Variants in RIMKLA observed in about 807,000 individuals in gnomAD.
The protein encoded by RIMKLA is N-acetylaspartylglutamate synthase A.
In RIMKLA, 14 loss-of-function variants were observed where a neutral mutation model predicts 32.7. The observed-to-expected ratio is 0.43, with a 90% CI of 0.28 to 0.67. The LOEUF is 0.67. RIMKLA is among the 30% of genes least tolerant of loss of function. RIMKLA has a pLI of 0.18. For synonymous variants in RIMKLA, 176 were observed against 204.1 expected (o/e 0.86, Z 1.18); for missense variants, 410 against 519.0 (o/e 0.79, Z 2.04).
Position 42,424,189 on chromosome 1 carries a change from C to T in RIMKLA, c.*9215C>T, listed in dbSNP as rs1457987610. Among the ~76,000 whole-genome samples, 1 of 152,142 alleles carries T rather than the reference C, an allele frequency of 6.6e-6. No homozygotes were observed. The highest frequency in any genetic ancestry group is 2.4e-5 in the African/African-American group (1 of 41,408). ...TAATAAGAATACGTAAGAATGTGTCCTTGTTTTTAGAAAATACACATTAAA... is the reference window on the plus strand; with the variant it reads ...TAATAAGAATACGTAAGAATGTGTCTTTGTTTTTAGAAAATACACATTAAA... On this transcript the variant is annotated 3_prime_UTR_variant, in exon 5 of 5. Coordinates refer to ENST00000431473, the MANE Select transcript of RIMKLA (RefSeq NM_173642.4).
chr1:42,389,986 T>C (rs1642986599), intron 1 of RIMKLA, among the ~76,000 whole-genome samples: 1 of 151,364 alleles, frequency 6.6e-6, no homozygotes, highest in Non-Finnish European at 1.5e-5. Context: ...AACAGGATGA[T>C]AGCCCAAAGG....
At chr1:42,398,481 G>A (rs1643066366) in intron 1 of RIMKLA, among the ~76,000 whole-genome samples, 1 of 151,974 alleles carries the variant, frequency 6.6e-6, no homozygotes, top group African/African-American at 2.4e-5. Context: ...GGAAAATACA[G>A]ACAAGTATAA....
rs1235510838 is a variant in RIMKLA, at chr1:42,385,785, TTG to T, written c.163+4690_163+4691del. Among the ~76,000 whole-genome samples, 45 of 110,266 alleles carry T rather than the reference TTG, an allele frequency of 4.1e-4. 3 individuals carry two copies. The highest frequency in any genetic ancestry group is 1.4e-3 in the African/African-American group (43 of 29,908). The allele number at this position is 110,266 out of a possible 152,430, so 72.3% of individuals were successfully genotyped here. On this transcript the variant is annotated intron_variant, in intron 1 of 4. Transcript: ENST00000431473. ...TTTCTTTCTTTGTTTCTTTGTTTGT[TTG>T]TTTCTTTCTTTCTCTCTCTCTTTCC... is the stretch of plus-strand genomic sequence containing the variant.
At chr1:42,393,686 G>A (rs2148386868) in intron 1 of RIMKLA, among the ~76,000 whole-genome samples, 1 of 152,238 alleles carries the variant, frequency 6.6e-6, no homozygotes, top group East Asian at 1.9e-4. Context: ...TAAGGGGAAA[G>A]GTGGAAACTG....
chr1:42,384,648 AT>A (rs1263881918), intron 1 of RIMKLA, among the ~76,000 whole-genome samples: 17 of 150,768 alleles, frequency 1.1e-4, no homozygotes, highest in African/African-American at 3.9e-4. Context: ...ATATATATAT[AT>A]AGTGTTTATT....
At chr1:42,385,848 T>TTCTTTCTTTCTTTCTTTCTTTC (rs1642938113) in intron 1 of RIMKLA, among the ~76,000 whole-genome samples, 1 of 16,690 alleles carries the variant, frequency 6.0e-5, no homozygotes, top group Non-Finnish European at 1.8e-4. Flanking sequence ...TTCTTTCTCT[T>TTCTTTCTTTCTTTCTTTCTTTC]TCTTTCTTTC....
At chr1:42,410,253 C>G in intron 4 of RIMKLA, 66 bp downstream of exon 4, 1 of 1,349,282 alleles carries the variant, frequency 7.4e-7, no homozygotes, top group Non-Finnish European at 1.1e-6. Context: ...TATATCGATC[C>G]CTACTGTCTT....
At chr1:42,413,182 G>C (rs1643215383) in intron 4 of RIMKLA, among the ~76,000 whole-genome samples, 1 of 151,718 alleles carries the variant, frequency 6.6e-6, no homozygotes, top group Non-Finnish European at 1.5e-5. Flanking sequence ...CTAATCATGA[G>C]AAGAATACAT....
Position 42,381,109 on chromosome 1 carries a change from G to A in RIMKLA, c.163+12G>A, listed in dbSNP as rs533919459. On this transcript the variant is annotated intron_variant, in intron 1 of 4. Transcript: ENST00000431473. ...CGGCGGCCACCTCGGTGAGCGAGGCGGGCCCGGGGAGGGCAGGGAGGCGCG... is the reference window on the plus strand; with the variant it reads ...CGGCGGCCACCTCGGTGAGCGAGGCAGGCCCGGGGAGGGCAGGGAGGCGCG... The A allele has an allele frequency of 5.6e-6, 7 of 1,245,606 alleles. No individual in the cohort carries two copies. Among genetic ancestry groups the A allele is most frequent in the African/African-American group, 1.6e-5 (1 of 64,388 alleles). 77.2% of individuals were successfully genotyped at this position (1,245,606 alleles called of 1,614,324 possible). A position where few individuals can be genotyped will look rare whatever the true frequency, so the allele number is the denominator to read the frequency against.
At chr1:42,386,561 A>G (rs978218624) in intron 1 of RIMKLA, among the ~76,000 whole-genome samples, 4 of 146,988 alleles carry the variant, frequency 2.7e-5, no homozygotes, top group Admixed American at 6.9e-5. Context: ...AAAATTTTTT[A>G]TAGAGACCCT....
intron 1 of RIMKLA, among the ~76,000 whole-genome samples, chr1:42,391,384 A>G (rs774679519): frequency 2.6e-5 from 4 of 152,058 alleles, no homozygotes; most frequent in Non-Finnish European, 5.9e-5. Context: ...CAGGCTGGAT[A>G]TTTTAGGGAG....
At position 42,381,058 on chromosome 1, in the gene RIMKLA, A is replaced by G; in HGVS notation, c.124A>G (p.Met42Val). The change falls in exon 1 of 5, where the codon ATG becomes GTG. Residue 42 changes from methionine (M) to valine (V), a missense_variant. Physicochemically the swap from Met to Val is conservative, Grantham distance 21. Coordinates refer to ENST00000431473, the MANE Select transcript of RIMKLA (RefSeq NM_173642.4). Reference sequence around the variant, plus strand: ...GGACGTGCGCTTCCGGGCGGTGCTTATGGACCAGATCGCCGTCACCATCGT... The same window carrying G: ...GGACGTGCGCTTCCGGGCGGTGCTTGTGGACCAGATCGCCGTCACCATCGT... Reference protein sequence around the residue: ...EQDVRFRAVLMDQIAVTIVGG... With the variant: ...EQDVRFRAVLVDQIAVTIVGG... The G allele has an allele frequency of 7.6e-7, 1 of 1,311,254 alleles. No homozygotes were observed. The highest frequency in any genetic ancestry group is 9.8e-7 in the Non-Finnish European group (1 of 1,025,322). The allele number at this position is 1,311,254 out of a possible 1,614,324, so 81.2% of individuals were successfully genotyped here. A position where few individuals can be genotyped will look rare whatever the true frequency, so the allele number is the denominator to read the frequency against.
At chr1:42,384,268 G>A (rs1016485566) in intron 1 of RIMKLA, among the ~76,000 whole-genome samples, 1 of 152,130 alleles carries the variant, frequency 6.6e-6, no homozygotes. Flanking sequence ...ATCTTTAGGT[G>A]ACTGAAGTAA....
At chr1:42,386,593 T>TG (rs1553175621) in intron 1 of RIMKLA, among the ~76,000 whole-genome samples, 6 of 150,870 alleles carry the variant, frequency 4.0e-5, no homozygotes, top group East Asian at 2.0e-4. Context: ...AATAAAAAAT[T>TG]GGGGGGGTGC....
chr1:42,414,435 C>A, intron 4 of RIMKLA, 49 bp from the exon 5 acceptor site: 2 of 1,588,860 alleles, frequency 1.3e-6, no homozygotes, highest in South Asian at 2.3e-5. Flanking sequence ...TTTGAAGAGT[C>A]ATCTGACTTC....
At chr1:42,388,758 C>T (rs575926809) in intron 1 of RIMKLA, among the ~76,000 whole-genome samples, 3 of 152,118 alleles carry the variant, frequency 2.0e-5, no homozygotes, top group South Asian at 2.1e-4. Context: ...CCTCGTGATC[C>T]GCCCACCTTG....
intron 4 of RIMKLA, 115 bp from the exon 5 acceptor site, chr1:42,414,369 G>C (rs1643227248): frequency 9.2e-7 from 1 of 1,084,592 alleles, no homozygotes; most frequent in South Asian, 1.6e-5. Flanking sequence ...CAGACCTTTT[G>C]TGATTAATGA....
intron 3 of RIMKLA, among the ~76,000 whole-genome samples, chr1:42,407,345 C>T (rs970766735): frequency 3.6e-5 from 4 of 110,478 alleles, no homozygotes; most frequent in African/African-American, 1.3e-4. Flanking sequence ...TAAAGTCTAA[C>T]TTGTCTATTT....
chr1:42,399,890 G>C (rs900790405), intron 2 of RIMKLA, among the ~76,000 whole-genome samples: 3 of 152,202 alleles, frequency 2.0e-5, no homozygotes, highest in African/African-American at 7.2e-5. Flanking sequence ...CATTAAGCAA[G>C]AGGCTCCTGC....
Sources: allele counts gnomAD v4.1 joint callset (sites outside exome capture counted in the v4.1 genomes callset), GRCh38; gene constraint gnomAD v4.1.1; transcripts MANE v1.5; gene names NCBI Gene and HGNC (gene_info 2026-07-23, HGNC 2026-07-21).